SFMBT2: variants seen among roughly 807,000 people sequenced by gnomAD.
The protein encoded by SFMBT2 is scm-like with four MBT domains protein 2.
A neutral mutation model predicts 110.1 loss-of-function variants in SFMBT2; 38 were observed. The observed-to-expected ratio is 0.35, with a 90% CI of 0.27 to 0.45. The LOEUF is 0.45. SFMBT2 is among the 20% of genes least tolerant of loss of function. SFMBT2 has a pLI of 1.00. For missense variants in SFMBT2, 1,011 were observed against 1,094.9 expected, an observed-to-expected ratio of 0.92 and a Z score of 1.08; for synonymous variants, 425 against 425.4, an observed-to-expected ratio of 1.00 and a Z score of 0.01.
At chr10:7,304,920 C>T (rs978665131) in intron 4 of SFMBT2, among the ~76,000 whole-genome samples, 1 of 152,160 alleles carries the variant, frequency 6.6e-6, no homozygotes, top group African/African-American at 2.4e-5. Flanking sequence ...GACAGTTGCA[C>T]CCCTGGGAGG....
At chr10:7,287,339 A>G (rs1842126498) in intron 4 of SFMBT2, 2 of 214,804 alleles carry the variant, frequency 9.3e-6, no homozygotes, top group African/African-American at 4.7e-5. Flanking sequence ...TCGGCCTCCC[A>G]AAGTGCTGGG....
chr10:7,292,894 G>C (rs983843004), intron 4 of SFMBT2, among the ~76,000 whole-genome samples: 1 of 152,072 alleles, frequency 6.6e-6, no homozygotes, highest in East Asian at 1.9e-4. Context: ...TAGGAAGGCT[G>C]AGGCAGGAGA....
intron 4 of SFMBT2, among the ~76,000 whole-genome samples, chr10:7,305,476 C>T (rs914898290): frequency 6.6e-6 from 1 of 152,184 alleles, no homozygotes; most frequent in Non-Finnish European, 1.5e-5. Context: ...GGCCCACCTC[C>T]AGCCCCCTAG....
intron 17 of SFMBT2, among the ~76,000 whole-genome samples, chr10:7,174,978 A>G (rs138545430): frequency 2.0e-5 from 3 of 152,312 alleles, no homozygotes; most frequent in Admixed American, 2.0e-4. Flanking sequence ...GTGTAGAAAC[A>G]CACTGAGAGA....
Position 7,170,474 on chromosome 10 carries a change from A to G in SFMBT2, c.2544+454T>C, listed in dbSNP as rs547104636. Among the ~76,000 whole-genome samples the G allele has an allele frequency of 6.6e-6, 1 of 152,290 alleles. No homozygotes were observed. Among genetic ancestry groups the G allele is most frequent in the African/African-American group, 2.4e-5 (1 of 41,552 alleles). On this transcript the variant is annotated intron_variant, in intron 20 of 20. Transcript: ENST00000397167. This position sits in a 1 kb window ranked among gnomAD's most constrained non-coding sequence, Gnocchi z 4.6. ...TGCTATCCTGACTTCCGGCCTGGCC[A>G]GGTGGCAACTGGGCACCCCATCCCA...
chr10:7,172,832 A>G lies in SFMBT2; in HGVS notation c.1985-171T>C, dbSNP rs979410801. On this transcript the variant is annotated intron_variant, in intron 17 of 20. Coordinates refer to ENST00000397167, the MANE Select transcript of SFMBT2 (RefSeq NM_001387889.1). The surrounding 1 kb of genome is among the most constrained non-coding windows in gnomAD (Gnocchi z 4.6). ...AGGAGAAGCACTGCTCCAAAGCTTC[A>G]GGTCTGGAAGGTGTTCGGGCTGAAC... Among the ~76,000 whole-genome samples, 3 of 152,238 alleles carry G rather than the reference A, an allele frequency of 2.0e-5. No homozygotes were observed. The highest frequency in any genetic ancestry group is 4.4e-5 in the Non-Finnish European group (3 of 68,044).
intron 16 of SFMBT2, among the ~76,000 whole-genome samples, chr10:7,181,744 T>C (rs1205557225): frequency 6.6e-6 from 1 of 152,184 alleles, no homozygotes; most frequent in African/African-American, 2.4e-5. Context: ...ACAGGCTTGT[T>C]TTGGAGTTGG....
intron 7 of SFMBT2, among the ~76,000 whole-genome samples, chr10:7,257,431 C>T (rs1273888894): frequency 6.6e-6 from 1 of 152,128 alleles, no homozygotes; most frequent in Admixed American, 6.5e-5. Context: ...ACCATCGCTG[C>T]GGGAGAAACA....
chr10:7,235,196 C>T (rs1374794899), intron 9 of SFMBT2, among the ~76,000 whole-genome samples: 2 of 152,118 alleles, frequency 1.3e-5, no homozygotes, highest in Non-Finnish European at 2.9e-5. Flanking sequence ...GCTGGGGATG[C>T]AGCAGTGAAC....
At chr10:7,231,205 A>G (rs970920204) in intron 9 of SFMBT2, among the ~76,000 whole-genome samples, 1 of 152,186 alleles carries the variant, frequency 6.6e-6, no homozygotes, top group African/African-American at 2.4e-5. Flanking sequence ...CTGTAACACA[A>G]TGATCCCATC....
chr10:7,275,194 C>T (rs953212178), intron 7 of SFMBT2, among the ~76,000 whole-genome samples: 6 of 152,208 alleles, frequency 3.9e-5, no homozygotes, highest in Non-Finnish European at 8.8e-5. Flanking sequence ...AGGCTTAGAC[C>T]GGAGGGTGGG....
chr10:7,318,744 C>G (rs1053877595), intron 4 of SFMBT2, among the ~76,000 whole-genome samples: 1 of 152,216 alleles, frequency 6.6e-6, no homozygotes, highest in East Asian at 1.9e-4. Context: ...TGGGCTAGGA[C>G]AGACGAATGG....
chr10:7,319,424 T>C, intron 4 of SFMBT2, among the ~76,000 whole-genome samples: 1 of 152,190 alleles, frequency 6.6e-6, no homozygotes, highest in East Asian at 1.9e-4. Flanking sequence ...TATCTCAAAC[T>C]GGATGGGACA....
chr10:7,352,717 A>G (rs961886590), intron 4 of SFMBT2, among the ~76,000 whole-genome samples: 3 of 152,314 alleles, frequency 2.0e-5, no homozygotes, highest in South Asian at 4.1e-4. Flanking sequence ...CAACAAATAA[A>G]TAAGTACACT....
intron 14 of SFMBT2, 114 bp from the exon 15 acceptor site, chr10:7,197,801 C>T (rs149659014): frequency 5.2e-4 from 718 of 1,391,834 alleles, no homozygotes; most frequent in Non-Finnish European, 5.6e-4. Flanking sequence ...CAGAGCTGTC[C>T]GAGGTCTTGG....
chr10:7,288,553 A>G (rs942632377), intron 4 of SFMBT2, among the ~76,000 whole-genome samples: 7 of 152,190 alleles, frequency 4.6e-5, no homozygotes, highest in Non-Finnish European at 8.8e-5. Context: ...CACCCTTTTT[A>G]AAAGTGGCCC....
At chr10:7,354,947 G>A (rs922531749) in intron 4 of SFMBT2, among the ~76,000 whole-genome samples, 5 of 152,194 alleles carry the variant, frequency 3.3e-5, no homozygotes, top group Non-Finnish European at 7.3e-5. Flanking sequence ...AGATAAAGAC[G>A]TAAGTCATAA....
intron 16 of SFMBT2, 70 bp downstream of exon 16, chr10:7,188,554 G>C: frequency 8.3e-7 from 1 of 1,208,262 alleles, no homozygotes; most frequent in Non-Finnish European, 1.2e-6. Context: ...ACAAAGAGAA[G>C]TGGCAAGGTT....
intron 1 of SFMBT2, among the ~76,000 whole-genome samples, chr10:7,396,572 A>T (rs7904254): frequency 0.067 from 10,154 of 152,154 alleles, 1,077 homozygotes; most frequent in African/African-American, 0.23. Context: ...TTCCAACTTC[A>T]GATTTCCAGT....
Sources: allele counts gnomAD v4.1 joint callset (sites outside exome capture counted in the v4.1 genomes callset), GRCh38; gene constraint gnomAD v4.1.1; non-coding constraint Gnocchi (gnomAD v3.1); transcripts MANE v1.5; gene names NCBI Gene and HGNC (gene_info 2026-07-23, HGNC 2026-07-21).